Variants in CTIF observed in about 807,000 individuals in gnomAD.
CTIF encodes the protein cap binding complex dependent translation initiation factor, also known as CBP80/20-dependent translation initiation factor.
A neutral mutation model predicts 66.0 loss-of-function variants in CTIF; 21 were observed. That is an observed-to-expected ratio of 0.32 (90% CI 0.23 to 0.46). CTIF has a LOEUF of 0.46. Among genes scored for constraint, CTIF ranks in the 20% least tolerant of loss-of-function variants. The pLI is 1.00. For missense variants in CTIF, 739 were observed against 812.7 expected, an observed-to-expected ratio of 0.91 and a Z score of 1.10; for synonymous variants, 345 against 326.4, an observed-to-expected ratio of 1.06 and a Z score of -0.62.
intron 1 of CTIF, among the ~76,000 whole-genome samples, chr18:48,560,370 C>T (rs1452736709): frequency 2.0e-5 from 3 of 151,814 alleles, no homozygotes; most frequent in African/African-American, 7.3e-5. Context: ...GGACTACAGG[C>T]ACCCACCACC....
chr18:48,685,170 A>G (rs2091817801), intron 6 of CTIF, among the ~76,000 whole-genome samples: 1 of 151,730 alleles, frequency 6.6e-6, no homozygotes, highest in South Asian at 2.1e-4. Context: ...GTTATTGTGT[A>G]GAATGTCTGT....
chr18:48,575,838 C>T (rs1200864897), intron 1 of CTIF, among the ~76,000 whole-genome samples: 1 of 152,260 alleles, frequency 6.6e-6, no homozygotes, highest in Admixed American at 6.5e-5. Flanking sequence ...CCCCGTGCAG[C>T]CTTCTCTCTC....
At chr18:48,717,884 C>T (rs1231389388) in intron 7 of CTIF, among the ~76,000 whole-genome samples, 1 of 152,018 alleles carries the variant, frequency 6.6e-6, no homozygotes, top group African/African-American at 2.4e-5. Flanking sequence ...CACCCGCCAC[C>T]ACACCTGACT....
At chr18:48,777,731 CA>C (rs1175437623) in intron 9 of CTIF, among the ~76,000 whole-genome samples, 1 of 152,230 alleles carries the variant, frequency 6.6e-6, no homozygotes, top group Non-Finnish European at 1.5e-5. Flanking sequence ...CTTTCTCAAA[CA>C]GCAGGAAGAG....
chr18:48,741,420 C>CTTTTT (rs11425141), intron 7 of CTIF, among the ~76,000 whole-genome samples: 5 of 104,824 alleles, frequency 4.8e-5, no homozygotes, highest in Non-Finnish European at 7.3e-5. Context: ...GTGACCAGGG[C>CTTTTT]TTTTTTTTTT....
At chr18:48,856,521 CA>C (rs2069331742) in intron 10 of CTIF, among the ~76,000 whole-genome samples, 1 of 152,210 alleles carries the variant, frequency 6.6e-6, no homozygotes, top group Admixed American at 6.5e-5. Flanking sequence ...AGTCCATTAA[CA>C]GATGAATGGA....
intron 9 of CTIF, among the ~76,000 whole-genome samples, chr18:48,764,857 T>C (rs2145913204): frequency 6.6e-6 from 1 of 152,350 alleles, no homozygotes; most frequent in East Asian, 1.9e-4. Flanking sequence ...TCAGACCTCC[T>C]GGGTGGCTAG....
intron 9 of CTIF, among the ~76,000 whole-genome samples, chr18:48,786,388 G>T (rs766732896): frequency 8.5e-5 from 13 of 152,278 alleles, no homozygotes; most frequent in Middle Eastern, 3.4e-3. Context: ...CTCAGGAGCC[G>T]CATTCCTGCC....
At chr18:48,588,949 C>A (rs2089831405) in intron 1 of CTIF, among the ~76,000 whole-genome samples, 1 of 152,218 alleles carries the variant, frequency 6.6e-6, no homozygotes, top group Non-Finnish European at 1.5e-5. Context: ...CCCTCCCTCT[C>A]TACATGTACC....
intron 9 of CTIF, among the ~76,000 whole-genome samples, chr18:48,789,878 A>T (rs1481879652): frequency 6.6e-6 from 1 of 152,230 alleles, no homozygotes; most frequent in Non-Finnish European, 1.5e-5. Context: ...AATGTAGGGT[A>T]CTGGTGAAGA....
chr18:48,624,137 C>T (rs1175202600), intron 2 of CTIF, among the ~76,000 whole-genome samples: 1 of 147,264 alleles, frequency 6.8e-6, no homozygotes, highest in Non-Finnish European at 1.5e-5. Context: ...TGACACCACG[C>T]CCCTCCCCAT....
At chr18:48,856,372 T>TA (rs2069328290) in intron 10 of CTIF, among the ~76,000 whole-genome samples, 1 of 152,176 alleles carries the variant, frequency 6.6e-6, no homozygotes, top group Non-Finnish European at 1.5e-5. Context: ...AAGCTGAACA[T>TA]AGAGTTACCA....
intron 1 of CTIF, chr18:48,566,429 G>C: frequency 6.6e-6 from 1 of 152,278 alleles, no homozygotes; most frequent in Admixed American, 6.5e-5. Context: ...AAGTTGGTGG[G>C]GAAGAGAGAG....
Position 48,706,809 on chromosome 18 carries a change from C to T in CTIF, c.508-4810C>T, listed in dbSNP as rs570879935. On this transcript the variant is annotated intron_variant, in intron 6 of 11. Coordinates refer to ENST00000256413, the MANE Select transcript of CTIF (RefSeq NM_014772.3). The stretch of plus-strand genomic sequence containing the variant: ...CGTGTGTGTTCCACGTGTACTCTGC[C>T]GGCGCTGCATGTGGAAGGAGTATTA... Among the ~76,000 whole-genome samples the T allele has an allele frequency of 1.4e-4, 21 of 152,304 alleles. 1 individual carries two copies. In the South Asian group the frequency reaches 3.9e-3, roughly 29 times the overall value.
intron 1 of CTIF, among the ~76,000 whole-genome samples, chr18:48,551,013 T>G (rs1361651340): frequency 1.3e-5 from 2 of 151,684 alleles, no homozygotes; most frequent in African/African-American, 4.9e-5. Flanking sequence ...AATTGTGTCC[T>G]CTCAAAATTC....
chr18:48,643,641 G>C (rs190778060), intron 3 of CTIF, among the ~76,000 whole-genome samples: 7 of 152,206 alleles, frequency 4.6e-5, no homozygotes, highest in Admixed American at 1.3e-4. Context: ...GTGGTTTCTC[G>C]TGGTGGGGAA....
At chr18:48,720,031 C>T (rs1192368772) in intron 7 of CTIF, among the ~76,000 whole-genome samples, 1 of 152,206 alleles carries the variant, frequency 6.6e-6, no homozygotes, top group Non-Finnish European at 1.5e-5. Flanking sequence ...TGACCAGAGG[C>T]TTGCAGGAAC....
chr18:48,751,506 C>T (rs2145820628), intron 7 of CTIF, among the ~76,000 whole-genome samples: 1 of 152,332 alleles, frequency 6.6e-6, no homozygotes, highest in South Asian at 2.1e-4. Flanking sequence ...CTCCCCTCCC[C>T]AGACCACAAG....
rs1269021429 is a variant in CTIF at position 48,820,818 on chromosome 18, A to AG, written c.1527+3445dup. Among the ~76,000 whole-genome samples, 3 of 152,324 alleles carry AG rather than the reference A, an allele frequency of 2.0e-5. No individual in the cohort carries two copies. The East Asian group carries it at 5.8e-4, about 29-fold the overall frequency. On this transcript the variant is annotated intron_variant, in intron 10 of 11. Coordinates refer to ENST00000256413, the MANE Select transcript of CTIF (RefSeq NM_014772.3). ...CATCTCTGAGTGAAGGGTCTTGCTG[A>AG]GGGTGAGGACAAACCCAAGGGATAG...
Sources: gnomAD v4.1 joint callset for allele counts (sites outside exome capture counted in the v4.1 genomes callset) on GRCh38, gnomAD v4.1.1 for gene constraint, MANE v1.5 for transcripts, NCBI Gene and HGNC (gene_info 2026-07-23, HGNC 2026-07-21) for gene names.